ST3GAL2: variants seen among roughly 807,000 people sequenced by gnomAD.
ST3GAL2 encodes the protein ST3 beta-galactoside alpha-2,3-sialyltransferase 2, also known as CMP-N-acetylneuraminate-beta-galactosamide-alpha-2,3-sialyltransferase 2.
Under a neutral mutation model 37.5 loss-of-function variants are expected in ST3GAL2, and 16 were observed. The ratio of observed to expected loss-of-function variants is 0.43; its 90% CI spans 0.29 to 0.65. The LOEUF (loss-of-function observed/expected upper bound fraction) is 0.65. Among genes scored for constraint, ST3GAL2 ranks in the 30% least tolerant of loss-of-function variants. ST3GAL2 has a pLI of 0.17. For synonymous variants in ST3GAL2, 238 were observed against 202.9 expected, an observed-to-expected ratio of 1.17 and a Z score of -1.47; for missense variants, 383 against 487.8, an observed-to-expected ratio of 0.79 and a Z score of 2.02.
At position 70,377,178 on chromosome 16, in the gene ST3GAL2, T is replaced by TAAAAAAAAAAAAAAA. The variant is rs34454921; in HGVS notation, c.*4496_*4510dup. 13 of 85,480 alleles carry TAAAAAAAAAAAAAAA rather than the reference T, an allele frequency of 1.5e-4. No homozygotes were observed. The highest frequency in any genetic ancestry group is 8.0e-4 in the African/African-American group (13 of 16,272). The allele number at this position is 85,480 out of a possible 1,614,324, so 5.3% of individuals were successfully genotyped here. ...CTGGGCGACAGGAGACCCTGTCTCT[T>TAAAAAAAAAAAAAAA]AAAAAAAAAAAAAAAAAAAAAAAAA... On this transcript the variant is annotated 3_prime_UTR_variant, in exon 7 of 7. Transcript: ENST00000342907.
intron 1 of ST3GAL2, among the ~76,000 whole-genome samples, chr16:70,405,579 A>G (rs2047585853): frequency 6.6e-6 from 1 of 151,472 alleles, no homozygotes; most frequent in African/African-American, 2.4e-5. Context: ...AAAAAAAGGA[A>G]TAAGGCACAA....
rs562945320 is a variant in ST3GAL2, at chr16:70,396,437, G to A, written c.340-1262C>T. Reference sequence around the variant, plus strand: ...TGTAGAGGGAGCTTGGCTCCAAGATGAGAATTCCTATATAAAAATTAGCCA... The same window carrying A: ...TGTAGAGGGAGCTTGGCTCCAAGATAAGAATTCCTATATAAAAATTAGCCA... On this transcript the variant is annotated intron_variant, in intron 2 of 6. Coordinates refer to ENST00000342907, the MANE Select transcript of ST3GAL2 (RefSeq NM_006927.4). Among the ~76,000 whole-genome samples the A allele has an allele frequency of 2.6e-5, 4 of 152,200 alleles. No homozygotes were observed. The South Asian group carries it at 8.3e-4, about 32-fold the overall frequency.
chr16:70,418,269 C>T (rs2047689286), intron 1 of ST3GAL2, among the ~76,000 whole-genome samples: 1 of 152,208 alleles, frequency 6.6e-6, no homozygotes, highest in Admixed American at 6.5e-5. Context: ...CAGCTTCCTG[C>T]TCTGTCAAGG....
At chr16:70,434,054 A>G (rs996834120) in intron 1 of ST3GAL2, among the ~76,000 whole-genome samples, 2 of 152,012 alleles carry the variant, frequency 1.3e-5, no homozygotes, top group African/African-American at 2.4e-5. Context: ...CTGTAGATCT[A>G]TTGGTGGACT....
At chr16:70,386,219 G>A (rs1200001488) in intron 4 of ST3GAL2, among the ~76,000 whole-genome samples, 2 of 149,078 alleles carry the variant, frequency 1.3e-5, no homozygotes, top group African/African-American at 2.5e-5. Context: ...ACGGAGTCTC[G>A]CTCTGTCACC....
chr16:70,421,972 G>A (rs1183976132), intron 1 of ST3GAL2, among the ~76,000 whole-genome samples: 1 of 152,146 alleles, frequency 6.6e-6, no homozygotes, highest in African/African-American at 2.4e-5. Context: ...ATCTTGCTAT[G>A]CTGCCCAGGC....
chr16:70,390,863 T>C (rs1382170031), intron 3 of ST3GAL2, among the ~76,000 whole-genome samples: 1 of 152,166 alleles, frequency 6.6e-6, no homozygotes, highest in Non-Finnish European at 1.5e-5. Flanking sequence ...CTGTTGGTCT[T>C]TTTTTTTCTG....
intron 1 of ST3GAL2, among the ~76,000 whole-genome samples, chr16:70,411,143 G>A (rs2047635637): frequency 6.6e-6 from 1 of 152,056 alleles, no homozygotes. Flanking sequence ...CCAGCGCTTT[G>A]GGAGACTGAG....
chr16:70,410,504 C>T (rs2047630339), intron 1 of ST3GAL2, among the ~76,000 whole-genome samples: 1 of 151,618 alleles, frequency 6.6e-6, no homozygotes, highest in African/African-American at 2.4e-5. Flanking sequence ...CTGCCTGCGT[C>T]GGCCTCCCAA....
At chr16:70,409,086 G>A in intron 1 of ST3GAL2, among the ~76,000 whole-genome samples, 1 of 151,440 alleles carries the variant, frequency 6.6e-6, no homozygotes, top group Non-Finnish European at 1.5e-5. Context: ...GAGTGGGCAG[G>A]GGGAAATCCA....
At chr16:70,434,505 G>A (rs2047812534) in intron 1 of ST3GAL2, among the ~76,000 whole-genome samples, 2 of 152,224 alleles carry the variant, frequency 1.3e-5, no homozygotes, top group Admixed American at 1.3e-4. Context: ...GGTTTGTTGA[G>A]CACATCAAGG....
chr16:70,391,729 C>T (rs751871820), intron 3 of ST3GAL2, among the ~76,000 whole-genome samples: 51 of 152,212 alleles, frequency 3.4e-4, no homozygotes, highest in Admixed American at 1.6e-3. Context: ...ACAGGCTGGC[C>T]GGGGCCTGGG....
chr16:70,423,730 G>C (rs1158944869), intron 1 of ST3GAL2, among the ~76,000 whole-genome samples: 1 of 148,238 alleles, frequency 6.7e-6, no homozygotes, highest in Non-Finnish European at 1.5e-5. Context: ...AGGCTGGAGT[G>C]CAATGGTGTG....
rs768975209 is a variant in ST3GAL2 at position 70,395,221 on chromosome 16, T to C, written c.340-46A>G. The C allele has an allele frequency of 8.4e-6, 13 of 1,554,942 alleles. No homozygotes were observed. The South Asian group carries it at 1.5e-4, about 19-fold the overall frequency. ...TGGGAAACGAGGAAGGGGAGAGGTGTGTGAAGAAGGAGGGGCCCCGGCCTC... is the reference window on the plus strand; with the variant it reads ...TGGGAAACGAGGAAGGGGAGAGGTGCGTGAAGAAGGAGGGGCCCCGGCCTC... On this transcript the variant is annotated intron_variant, in intron 2 of 6. Transcript: ENST00000342907.
chr16:70,398,891 G>T lies in ST3GAL2; in HGVS notation c.-361C>A, dbSNP rs1330974508. ...GGATTGCTGGCTGCCAGCTCTAGGG[G>T]TCCCCCTCTTTGGCGGCTTGAAATA... On this transcript the variant is annotated 5_prime_UTR_variant, in exon 2 of 7. Transcript: ENST00000342907. The T allele has an allele frequency of 6.4e-6, 3 of 469,530 alleles. No individual in the cohort carries two copies. The highest frequency in any genetic ancestry group is 3.1e-5 in the East Asian group (1 of 31,940). 29.1% of individuals were successfully genotyped at this position (469,530 alleles called of 1,614,324 possible).
chr16:70,407,902 T>C (rs1364038598), intron 1 of ST3GAL2, among the ~76,000 whole-genome samples: 3 of 152,044 alleles, frequency 2.0e-5, no homozygotes, highest in African/African-American at 7.2e-5. Context: ...ACAACCTTCT[T>C]GGCATGCAGA....
Position 70,399,361 on chromosome 16 carries a change from G to A in ST3GAL2, c.-831C>T. ...ACTGTGTCCAATACCATCTGGGTCAGGCGAGCTTGTGCTGAGCTCCCTACC... is the reference window on the plus strand; with the variant it reads ...ACTGTGTCCAATACCATCTGGGTCAAGCGAGCTTGTGCTGAGCTCCCTACC... On this transcript the variant is annotated 5_prime_UTR_variant, in exon 2 of 7. Transcript: ENST00000342907. 2.5e-6 allele frequency: 1 copy of A among 398,764 alleles called. No homozygotes were observed. The highest frequency in any genetic ancestry group is 4.4e-6 in the Non-Finnish European group (1 of 226,200). 24.7% of individuals were successfully genotyped at this position (398,764 alleles called of 1,614,324 possible). A position where few individuals can be genotyped will look rare whatever the true frequency, so the allele number is the denominator to read the frequency against.
Position 70,381,701 on chromosome 16 carries a change from G to A in ST3GAL2, c.1041C>T (p.Tyr347=), listed in dbSNP as rs1454914237. 2.5e-5 allele frequency: 41 copies of A among 1,613,594 alleles called. No individual in the cohort carries two copies. The highest frequency in any genetic ancestry group is 3.2e-5 in the Non-Finnish European group (38 of 1,179,854). The change falls in exon 7 of 7, where the codon TAC becomes TAT. Residue 347 remains tyrosine (Y), a synonymous_variant. Transcript: ENST00000342907. The part of the protein sequence containing the change: ...MLAKASKIEV[Y]RGN ...GGCGAGGCCCGGCTCAGTTGCCCCG[G>A]TAGACTTCGATCTTGCTGGCCTTGG...
chr16:70,391,968 G>A (rs1567667295), intron 3 of ST3GAL2, among the ~76,000 whole-genome samples: 1 of 152,208 alleles, frequency 6.6e-6, no homozygotes, highest in African/African-American at 2.4e-5. Flanking sequence ...GAGGCCAAGA[G>A]ATCCTGCAGA....
Sources: allele counts gnomAD v4.1 joint callset (sites outside exome capture counted in the v4.1 genomes callset), GRCh38; gene constraint gnomAD v4.1.1; transcripts MANE v1.5; gene names NCBI Gene and HGNC (gene_info 2026-07-23, HGNC 2026-07-21).